Variants in ARHGAP39 observed in about 807,000 individuals in gnomAD.
The protein encoded by ARHGAP39 is rho GTPase-activating protein 39.
A neutral mutation model predicts 106.9 loss-of-function variants in ARHGAP39; 44 were observed. The observed-to-expected ratio is 0.41, with a 90% CI of 0.32 to 0.53. ARHGAP39 has a LOEUF of 0.53. Ranked by LOEUF, ARHGAP39 falls within the 20% of genes least tolerant of loss-of-function variation. The pLI is 0.21. For synonymous variants in ARHGAP39, 768 were observed against 693.2 expected (o/e 1.11, Z -1.69); for missense variants, 1,496 against 1,577.3 (o/e 0.95, Z 0.87).
chr8:144,601,346 CTG>C (rs1447418274), intron 2 of ARHGAP39, among the ~76,000 whole-genome samples: 12 of 114,166 alleles, frequency 1.1e-4, no homozygotes, highest in African/African-American at 4.1e-4. Flanking sequence ...GCTCGTGTAC[CTG>C]TGTGCGTGTG....
chr8:144,641,086 C>T lies in ARHGAP39; in HGVS notation c.-81-35391G>A, dbSNP rs957746274. ...TATTTCTCATCTGCCTGGGCCCATCCCAGCACCAGTTCTTGCAGAGGTGTT... is the reference window on the plus strand; with the variant it reads ...TATTTCTCATCTGCCTGGGCCCATCTCAGCACCAGTTCTTGCAGAGGTGTT... On this transcript the variant is annotated intron_variant, in intron 1 of 11. Coordinates refer to ENST00000377307, the MANE Select transcript of ARHGAP39 (RefSeq NM_025251.3). This position sits in a 1 kb window ranked among gnomAD's most constrained non-coding sequence, Gnocchi z 5.2. Among the ~76,000 whole-genome samples, 4 of 152,048 alleles carry T rather than the reference C, an allele frequency of 2.6e-5. No individual in the cohort carries two copies. The highest frequency in any genetic ancestry group is 5.9e-5 in the Non-Finnish European group (4 of 68,020).
chr8:144,665,142 A>C lies in ARHGAP39; in HGVS notation c.-82+20544T>G, dbSNP rs549501467. On this transcript the variant is annotated intron_variant, in intron 1 of 11. Coordinates refer to ENST00000377307, the MANE Select transcript of ARHGAP39 (RefSeq NM_025251.3). ...ATGACTCTCTTGTTATGTTTTAGCAAAGAGACTGGCAGCATTTTGCCCCTG... is the reference window on the plus strand; with the variant it reads ...ATGACTCTCTTGTTATGTTTTAGCACAGAGACTGGCAGCATTTTGCCCCTG... Among the ~76,000 whole-genome samples, 6 of 152,342 alleles carry C rather than the reference A, an allele frequency of 3.9e-5. No individual in the cohort carries two copies. In the South Asian group the frequency reaches 1.2e-3, roughly 32 times the overall value.
rs929945482 is a variant in ARHGAP39 at position 144,671,611 on chromosome 8, T to C, written c.-82+14075A>G. 6.6e-6 allele frequency among the ~76,000 whole-genome samples: 1 copy of C among 152,218 alleles called. No individual in the cohort carries two copies. Among genetic ancestry groups the C allele is most frequent in the African/African-American group, 2.4e-5 (1 of 41,464 alleles). ...TCCCGCCTGAGGCTCTTTCTGTGCC[T>C]GGTGAATAGCCCAAGGCTCAGCTGC... On this transcript the variant is annotated intron_variant, in intron 1 of 11. Transcript: ENST00000377307. The surrounding 1 kb of genome is among the most constrained non-coding windows in gnomAD (Gnocchi z 4.5).
chr8:144,633,540 A>C (rs1351265560), intron 1 of ARHGAP39, among the ~76,000 whole-genome samples: 1 of 152,286 alleles, frequency 6.6e-6, no homozygotes, highest in Non-Finnish European at 1.5e-5. Context: ...CATAATGCCC[A>C]AAATTTCAAA....
At chr8:144,597,338 G>A (rs1044596998) in intron 2 of ARHGAP39, among the ~76,000 whole-genome samples, 1 of 152,208 alleles carries the variant, frequency 6.6e-6, no homozygotes, top group South Asian at 2.1e-4. Context: ...AAAGCCCAAC[G>A]TCTTCTCTGG....
rs574173404 is a variant in ARHGAP39, at chr8:144,571,545, C to T, written c.512+9301G>A. On this transcript the variant is annotated intron_variant, in intron 3 of 11. Coordinates refer to ENST00000377307, the MANE Select transcript of ARHGAP39 (RefSeq NM_025251.3). The stretch of plus-strand genomic sequence containing the variant: ...CACAGCCAATATCATACTGAATGGG[C>T]AAAAACTGGAAGCATTCCCTTTGAA... Among the ~76,000 whole-genome samples the T allele has an allele frequency of 2.0e-5, 3 of 152,258 alleles. No individual in the cohort carries two copies. The East Asian group carries it at 5.8e-4, about 29-fold the overall frequency.
chr8:144,675,087 G>A (rs1822198910), intron 1 of ARHGAP39, among the ~76,000 whole-genome samples: 1 of 152,126 alleles, frequency 6.6e-6, no homozygotes, highest in Admixed American at 6.5e-5. Flanking sequence ...GGAAGGGGGT[G>A]CAGCTCCTGC....
In ARHGAP39 at chr8:144,670,420, C is replaced by A. The variant is rs765775349; in HGVS notation, c.-82+15266G>T. ...CACACCTCTGCCATCTCCCCTCAGCCTCAGCCCCACTGTCATTCACCTAAA... is the reference window on the plus strand; with the variant it reads ...CACACCTCTGCCATCTCCCCTCAGCATCAGCCCCACTGTCATTCACCTAAA... On this transcript the variant is annotated intron_variant, in intron 1 of 11. Transcript: ENST00000377307. The surrounding 1 kb of genome is among the most constrained non-coding windows in gnomAD (Gnocchi z 4.4). 6.6e-6 allele frequency among the ~76,000 whole-genome samples: 1 copy of A among 152,214 alleles called. No homozygotes were observed. Among genetic ancestry groups the A allele is most frequent in the Non-Finnish European group, 1.5e-5 (1 of 68,040 alleles).
chr8:144,606,744 G>GA (rs538224647), intron 1 of ARHGAP39, among the ~76,000 whole-genome samples: 1 of 152,000 alleles, frequency 6.6e-6, no homozygotes, highest in African/African-American at 2.4e-5. Context: ...GGTCAAGTGT[G>GA]AAAAAAATGA....
At chr8:144,578,628 G>A (rs1818854800) in intron 3 of ARHGAP39, among the ~76,000 whole-genome samples, 1 of 152,114 alleles carries the variant, frequency 6.6e-6, no homozygotes. Flanking sequence ...TGGGCATACT[G>A]CCTGGGCTCA....
chr8:144,580,758 G>GGGGGGGGGGGGCCCCCCCC, intron 3 of ARHGAP39, 88 bp downstream of exon 3: 1 of 185,576 alleles, frequency 5.4e-6, no homozygotes, highest in Non-Finnish European at 1.1e-5. Flanking sequence ...CTCTCACCTG[G>GGGGGGGGGGGGCCCCCCCC]CCCCGCCCAC....
chr8:144,597,865 C>T (rs932019976), intron 2 of ARHGAP39, among the ~76,000 whole-genome samples: 1 of 152,154 alleles, frequency 6.6e-6, no homozygotes, highest in Non-Finnish European at 1.5e-5. Flanking sequence ...AGACCATAAT[C>T]CAGGCTCAGT....
intron 3 of ARHGAP39, among the ~76,000 whole-genome samples, chr8:144,570,569 G>C (rs942562032): frequency 2.9e-4 from 44 of 152,118 alleles, no homozygotes; most frequent in African/African-American, 1.1e-3. Context: ...CCAAACTTAC[G>C]AGTGACCAAC....
intron 1 of ARHGAP39, among the ~76,000 whole-genome samples, chr8:144,624,400 A>T (rs1421557138): frequency 6.6e-6 from 1 of 152,234 alleles, no homozygotes; most frequent in African/African-American, 2.4e-5. Context: ...ACCGGGCCTG[A>T]GAATGAACTA....
chr8:144,686,264 CCTT>C (rs1223857882), upstream of ARHGAP39, among the ~76,000 whole-genome samples: 1 of 152,178 alleles, frequency 6.6e-6, no homozygotes, highest in Non-Finnish European at 1.5e-5. Flanking sequence ...GTTCCTCAGT[CCTT>C]CTTGTGGCGG....
chr8:144,561,580 C>G (rs1375526146), intron 3 of ARHGAP39, among the ~76,000 whole-genome samples: 7 of 124,506 alleles, frequency 5.6e-5, no homozygotes, highest in South Asian at 2.5e-4. Context: ...CAGTGGTTTC[C>G]ATCGGACCCC....
At chr8:144,656,623 A>G (rs770061202) in intron 1 of ARHGAP39, among the ~76,000 whole-genome samples, 1 of 152,062 alleles carries the variant, frequency 6.6e-6, no homozygotes, top group Non-Finnish European at 1.5e-5. Flanking sequence ...CCTGGCCAAC[A>G]TGGCAAAACC....
At chr8:144,622,821 G>C (rs1009638873) in intron 1 of ARHGAP39, among the ~76,000 whole-genome samples, 3 of 152,278 alleles carry the variant, frequency 2.0e-5, no homozygotes, top group African/African-American at 7.2e-5. Context: ...CTGGCCGGCA[G>C]CTGGCCTGCG....
chr8:144,663,081 G>A (rs1586644888), intron 1 of ARHGAP39, among the ~76,000 whole-genome samples: 1 of 87,968 alleles, frequency 1.1e-5, no homozygotes, highest in Admixed American at 1.5e-4. Context: ...TATCCATCTT[G>A]GACTGCTCCC....
Sources: allele counts gnomAD v4.1 joint callset (sites outside exome capture counted in the v4.1 genomes callset), GRCh38; gene constraint gnomAD v4.1.1; non-coding constraint Gnocchi (gnomAD v3.1); transcripts MANE v1.5; gene names NCBI Gene and HGNC (gene_info 2026-07-23, HGNC 2026-07-21).